The following RPS6KA5 variants were observed in gnomAD, a reference collection of about 807,000 sequenced individuals.
RPS6KA5 encodes ribosomal protein S6 kinase A5.
A neutral mutation model predicts 85.5 loss-of-function variants in RPS6KA5; 27 were observed. That is an observed-to-expected ratio of 0.32 (90% CI 0.23 to 0.44). RPS6KA5 has a LOEUF of 0.44. Ranked by LOEUF, RPS6KA5 falls within the 20% of genes least tolerant of loss-of-function variation. The probability of loss-of-function intolerance (pLI) is 1.00; values close to 1 mark genes in which losing one functional copy is unlikely to be tolerated. For missense variants in RPS6KA5, 811 were observed against 980.9 expected (o/e 0.83, Z 2.31); for synonymous variants, 334 against 348.2 (o/e 0.96, Z 0.46).
At chr14:91,023,065 C>T (rs1166768044) in intron 1 of RPS6KA5, among the ~76,000 whole-genome samples, 1 of 108,118 alleles carries the variant, frequency 9.2e-6, no homozygotes, top group African/African-American at 3.5e-5. Flanking sequence ...AGCCTGGCAA[C>T]AGAGTAAAAC....
chr14:91,030,315 G>A (rs559013428), intron 1 of RPS6KA5, among the ~76,000 whole-genome samples: 6 of 152,170 alleles, frequency 3.9e-5, no homozygotes, highest in Admixed American at 1.3e-4. Context: ...AGGTAAGAAC[G>A]GAAAATGCAG....
chr14:90,966,767 T>C (rs1393774980), intron 3 of RPS6KA5, among the ~76,000 whole-genome samples: 5 of 152,218 alleles, frequency 3.3e-5, no homozygotes, highest in Non-Finnish European at 7.3e-5. Context: ...ACATGTAATA[T>C]TGCAGTAACT....
intron 14 of RPS6KA5, among the ~76,000 whole-genome samples, chr14:90,877,466 C>G (rs1430684904): frequency 6.6e-6 from 1 of 152,190 alleles, no homozygotes; most frequent in Admixed American, 6.5e-5. Flanking sequence ...CTGCCCCCAA[C>G]CTCACTTCTT....
intron 12 of RPS6KA5, among the ~76,000 whole-genome samples, chr14:90,898,480 A>G (rs937958164): frequency 5.3e-5 from 8 of 152,238 alleles, no homozygotes; most frequent in African/African-American, 1.9e-4. Context: ...ACAGCACAAC[A>G]AAGAGAGCCC....
chr14:90,867,431 C>T lies in RPS6KA5; in HGVS notation c.*4643G>A, dbSNP rs1370769039. On this transcript the variant is annotated 3_prime_UTR_variant, in exon 17 of 17. Coordinates refer to ENST00000614987, the MANE Select transcript of RPS6KA5 (RefSeq NM_004755.4). ...CAATAATGGAAACAGCATAATACTACATACTATCCCAGTTTCCTGTGCTCT... is the reference window on the plus strand; with the variant it reads ...CAATAATGGAAACAGCATAATACTATATACTATCCCAGTTTCCTGTGCTCT... 1 of 152,064 alleles carries T rather than the reference C, an allele frequency of 6.6e-6. No homozygotes were observed. Among genetic ancestry groups the T allele is most frequent in the Non-Finnish European group, 1.5e-5 (1 of 68,004 alleles). The allele number at this position is 152,064 out of a possible 1,614,324, so 9.4% of individuals were successfully genotyped here.
intron 2 of RPS6KA5, among the ~76,000 whole-genome samples, chr14:90,993,047 C>T (rs780162268): frequency 7.2e-5 from 11 of 152,132 alleles, no homozygotes; most frequent in Admixed American, 1.3e-4. Flanking sequence ...TTTTGCATCT[C>T]GGAAAATTCT....
chr14:91,049,556 C>T lies in RPS6KA5; in HGVS notation c.103+10776G>A, dbSNP rs187943975. Among the ~76,000 whole-genome samples the T allele has an allele frequency of 4.3e-4, 65 of 151,932 alleles. No individual in the cohort carries two copies. In the East Asian group the frequency reaches 0.01, roughly 24 times the overall value. On this transcript the variant is annotated intron_variant, in intron 1 of 16. Coordinates refer to ENST00000614987, the MANE Select transcript of RPS6KA5 (RefSeq NM_004755.4). The stretch of plus-strand genomic sequence containing the variant: ...CGTGAACCAAGGAAGCGGAGCTTGC[C>T]GTGAGCTGAGAGCTCGCCACTGTAT...
chr14:90,964,935 AC>A (rs1420055868), intron 3 of RPS6KA5, among the ~76,000 whole-genome samples: 3 of 144,382 alleles, frequency 2.1e-5, no homozygotes, highest in Admixed American at 7.0e-5. Flanking sequence ...AAAAAAAAAA[AC>A]CAAAAAACCA....
intron 1 of RPS6KA5, among the ~76,000 whole-genome samples, chr14:91,053,390 C>T (rs1318519797): frequency 6.6e-6 from 1 of 152,162 alleles, no homozygotes; most frequent in African/African-American, 2.4e-5. Context: ...CAAAAGATAT[C>T]TGGATTGGAA....
chr14:90,882,982 G>C (rs1315976218), intron 14 of RPS6KA5, among the ~76,000 whole-genome samples: 1 of 152,032 alleles, frequency 6.6e-6, no homozygotes, highest in Non-Finnish European at 1.5e-5. Flanking sequence ...ATTTTTAGTA[G>C]AGATGGGGTT....
At chr14:90,893,449 ATTTTC>A (rs1385277086) in intron 13 of RPS6KA5, among the ~76,000 whole-genome samples, 1 of 152,188 alleles carries the variant, frequency 6.6e-6, no homozygotes, top group Non-Finnish European at 1.5e-5. Context: ...CATTTTAAAA[ATTTTC>A]TTTTCCATGT....
chr14:90,886,892 C>T (rs1595128471), intron 14 of RPS6KA5, among the ~76,000 whole-genome samples: 1 of 152,086 alleles, frequency 6.6e-6, no homozygotes, highest in East Asian at 1.9e-4. Flanking sequence ...GATGTATTTT[C>T]CTGGAGTATT....
At chr14:91,013,784 T>G (rs747717713) in intron 1 of RPS6KA5, among the ~76,000 whole-genome samples, 2 of 152,114 alleles carry the variant, frequency 1.3e-5, no homozygotes, top group Non-Finnish European at 2.9e-5. Flanking sequence ...TAGAAAGGAA[T>G]TGAGATGGAA....
At chr14:90,917,087 T>C (rs1017914536) in intron 7 of RPS6KA5, among the ~76,000 whole-genome samples, 1 of 152,212 alleles carries the variant, frequency 6.6e-6, no homozygotes, top group Non-Finnish European at 1.5e-5. Context: ...CCTGTCACCA[T>C]GACAGGTATG....
At chr14:90,999,785 G>A (rs2040702242) in intron 2 of RPS6KA5, among the ~76,000 whole-genome samples, 1 of 152,136 alleles carries the variant, frequency 6.6e-6, no homozygotes, top group African/African-American at 2.4e-5. Context: ...TACATGCAGG[G>A]ATCTCTACAA....
chr14:90,961,633 A>T (rs1409349833), intron 3 of RPS6KA5, among the ~76,000 whole-genome samples: 1 of 152,146 alleles, frequency 6.6e-6, no homozygotes, highest in Non-Finnish European at 1.5e-5. Flanking sequence ...ATGTCACAGT[A>T]ATCAAAAGTA....
intron 1 of RPS6KA5, among the ~76,000 whole-genome samples, chr14:91,025,711 G>A (rs1304785602): frequency 6.6e-6 from 1 of 151,384 alleles, no homozygotes; most frequent in Non-Finnish European, 1.5e-5. Context: ...TTCCAGGTTG[G>A]TCTGAGAGTC....
chr14:90,902,489 A>C (rs929269187), intron 9 of RPS6KA5, among the ~76,000 whole-genome samples: 6 of 152,196 alleles, frequency 3.9e-5, no homozygotes, highest in Non-Finnish European at 7.4e-5. Flanking sequence ...TGTCTATATA[A>C]ATAAAAATTT....
intron 3 of RPS6KA5, among the ~76,000 whole-genome samples, chr14:90,973,288 C>G (rs1052795499): frequency 6.6e-6 from 1 of 151,878 alleles, no homozygotes; most frequent in East Asian, 1.9e-4. Flanking sequence ...TGAAAAAATA[C>G]AAAAATTAGC....
Sources: allele counts gnomAD v4.1 joint callset (sites outside exome capture counted in the v4.1 genomes callset), GRCh38; gene constraint gnomAD v4.1.1; transcripts MANE v1.5; gene names NCBI Gene and HGNC (gene_info 2026-07-23, HGNC 2026-07-21).